The following ZNF385B variants were observed in gnomAD, a reference collection of about 807,000 sequenced individuals.
ZNF385B encodes the protein zinc finger protein 385B.
A neutral mutation model predicts 39.2 loss-of-function variants in ZNF385B; 23 were observed. That is an observed-to-expected ratio of 0.59 (90% CI 0.42 to 0.83). The LOEUF (loss-of-function observed/expected upper bound fraction) is 0.83. Ranked by LOEUF, ZNF385B falls within the 40% of genes least tolerant of loss-of-function variation. The pLI, the probability that ZNF385B is intolerant of heterozygous loss-of-function variation, is 0.00. For synonymous variants in ZNF385B, 205 were observed against 222.6 expected, an observed-to-expected ratio of 0.92 and a Z score of 0.70; for missense variants, 552 against 598.9, an observed-to-expected ratio of 0.92 and a Z score of 0.82.
chr2:179,492,013 T>C (rs10451563), intron 5 of ZNF385B, among the ~76,000 whole-genome samples: 2,789 of 152,316 alleles, frequency 0.018, 86 homozygotes, highest in African/African-American at 0.063. Flanking sequence ...TTTTATTTTA[T>C]AATATGACAC....
At chr2:179,811,299 A>G (rs1480101044) in intron 1 of ZNF385B, among the ~76,000 whole-genome samples, 1 of 152,200 alleles carries the variant, frequency 6.6e-6, no homozygotes, top group Non-Finnish European at 1.5e-5. Flanking sequence ...AGAACTAAAA[A>G]GAACTATTAT....
At chr2:179,756,372 T>G (rs1703019093) in intron 3 of ZNF385B, among the ~76,000 whole-genome samples, 1 of 152,232 alleles carries the variant, frequency 6.6e-6, no homozygotes, top group Non-Finnish European at 1.5e-5. Flanking sequence ...TGGGCTTCCT[T>G]TGTGGGTAAC....
intron 3 of ZNF385B, among the ~76,000 whole-genome samples, chr2:179,756,135 G>C (rs557543792): frequency 3.6e-4 from 55 of 152,008 alleles, no homozygotes; most frequent in African/African-American, 1.2e-3. Context: ...TCCTTTCCAT[G>C]TTTAGTGCTT....
At chr2:179,727,857 G>A (rs1405704880) in intron 3 of ZNF385B, among the ~76,000 whole-genome samples, 1 of 152,082 alleles carries the variant, frequency 6.6e-6, no homozygotes, top group African/African-American at 2.4e-5. Flanking sequence ...GCCCAGACTA[G>A]CTTGGAGGCA....
chr2:179,537,758 C>CAAAAAA (rs775747223), intron 4 of ZNF385B, among the ~76,000 whole-genome samples: 14 of 99,814 alleles, frequency 1.4e-4, no homozygotes, highest in African/African-American at 2.6e-4. Flanking sequence ...AACAAACAAA[C>CAAAAAA]AAACAAACAA....
intron 3 of ZNF385B, among the ~76,000 whole-genome samples, chr2:179,644,873 T>C (rs1232145286): frequency 1.4e-5 from 2 of 145,284 alleles, no homozygotes; most frequent in East Asian, 3.9e-4. Context: ...TTTGTAAAAC[T>C]TCCTGTCTTA....
Position 179,769,804 on chromosome 2 carries a change from T to G in ZNF385B, c.-2-2A>C. The G allele has an allele frequency of 6.3e-7, 1 of 1,595,318 alleles. No homozygotes were observed. The highest frequency in any genetic ancestry group is 8.5e-7 in the Non-Finnish European group (1 of 1,170,228). On this transcript the variant is annotated splice_acceptor_variant, in intron 2 of 9. Coordinates refer to ENST00000410066, the MANE Select transcript of ZNF385B (RefSeq NM_152520.6). LOFTEE classifies it low-confidence loss of function (5UTR_SPLICE). Reference sequence around the variant, plus strand: ...CAGGGCTTAAGGAGTACCTCATGCCTGAAAAACAAAACAAGTACAAGTGCT... The same window carrying G: ...CAGGGCTTAAGGAGTACCTCATGCCGGAAAAACAAAACAAGTACAAGTGCT...
chr2:179,754,144 G>C (rs1458992479), intron 3 of ZNF385B, among the ~76,000 whole-genome samples: 1 of 152,130 alleles, frequency 6.6e-6, no homozygotes, highest in African/African-American at 2.4e-5. Flanking sequence ...TAGCATGAAG[G>C]GCTGTCGAAT....
chr2:179,544,337 T>C (rs1023144243), intron 4 of ZNF385B, among the ~76,000 whole-genome samples: 3 of 152,240 alleles, frequency 2.0e-5, no homozygotes, highest in Admixed American at 2.0e-4. Context: ...TAGAGTCAAA[T>C]TCACGTCATC....
chr2:179,492,014 AAT>A (rs1389763818), intron 5 of ZNF385B, among the ~76,000 whole-genome samples: 2 of 152,206 alleles, frequency 1.3e-5, no homozygotes, highest in African/African-American at 4.8e-5. Flanking sequence ...TTTATTTTAT[AAT>A]ATGACACAAA....
At chr2:179,702,304 T>C (rs1484435829) in intron 3 of ZNF385B, among the ~76,000 whole-genome samples, 2 of 152,184 alleles carry the variant, frequency 1.3e-5, no homozygotes, top group African/African-American at 4.8e-5. Flanking sequence ...AAACTTGCAA[T>C]TCTGTGATTG....
chr2:179,470,710 A>C (rs1276352856), intron 6 of ZNF385B, among the ~76,000 whole-genome samples: 1 of 152,242 alleles, frequency 6.6e-6, no homozygotes, highest in Non-Finnish European at 1.5e-5. Context: ...AGCCTGTAGC[A>C]AATCTGATGT....
At chr2:179,807,768 G>A (rs576207811) in intron 1 of ZNF385B, among the ~76,000 whole-genome samples, 21 of 151,674 alleles carry the variant, frequency 1.4e-4, no homozygotes, top group Admixed American at 1.3e-3. Context: ...GGTGGCAGGC[G>A]CCTGTAGTCC....
intron 3 of ZNF385B, among the ~76,000 whole-genome samples, chr2:179,591,344 A>G (rs543855065): frequency 1.3e-5 from 2 of 152,202 alleles, no homozygotes; most frequent in Admixed American, 6.5e-5. Flanking sequence ...ATATTAGAAC[A>G]TGTCTTACTT....
At chr2:179,478,742 A>T (rs2053681180) in intron 6 of ZNF385B, among the ~76,000 whole-genome samples, 1 of 152,226 alleles carries the variant, frequency 6.6e-6, no homozygotes, top group Non-Finnish European at 1.5e-5. Flanking sequence ...AAGCCCAGAC[A>T]TATGGACTAT....
chr2:179,633,156 C>G (rs1263996549), intron 3 of ZNF385B, among the ~76,000 whole-genome samples: 2 of 152,334 alleles, frequency 1.3e-5, no homozygotes. Flanking sequence ...CCTTCTGAAA[C>G]TATTCCAATC....
rs184533316 is a variant in ZNF385B at position 179,633,965 on chromosome 2, C to T, written c.299-88996G>A. ...AAAAACAAGCAATGGGAAAAGGATT[C>T]CCTATTTAATAAATGGTGCTGGGAA... On this transcript the variant is annotated intron_variant, in intron 3 of 9. Coordinates refer to ENST00000410066, the MANE Select transcript of ZNF385B (RefSeq NM_152520.6). Among the ~76,000 whole-genome samples, 395 of 152,168 alleles carry T rather than the reference C, an allele frequency of 2.6e-3. 3 individuals are homozygous for T. Among genetic ancestry groups the T allele is most frequent in the African/African-American group, 8.8e-3 (365 of 41,534 alleles).
chr2:179,815,125 C>T (rs1005583033), intron 1 of ZNF385B, among the ~76,000 whole-genome samples: 3 of 152,090 alleles, frequency 2.0e-5, no homozygotes, highest in Non-Finnish European at 4.4e-5. Context: ...GCAAACAAAT[C>T]GATGAGCTGG....
intron 3 of ZNF385B, among the ~76,000 whole-genome samples, chr2:179,760,227 T>TGCGC (rs1703298099): frequency 1.2e-5 from 1 of 83,726 alleles, no homozygotes; most frequent in Non-Finnish European, 2.7e-5. Context: ...TGTGTGCGTG[T>TGCGC]GTGTGTGTGT....
Sources: allele counts gnomAD v4.1 joint callset (sites outside exome capture counted in the v4.1 genomes callset), GRCh38; gene constraint gnomAD v4.1.1; transcripts MANE v1.5; gene names NCBI Gene and HGNC (gene_info 2026-07-23, HGNC 2026-07-21).